Variants in PHACTR3 observed in about 807,000 individuals in gnomAD.
The protein encoded by PHACTR3 is protein phosphatase 1, regulatory subunit 123.
A neutral mutation model predicts 66.8 loss-of-function variants in PHACTR3; 16 were observed. The ratio of observed to expected loss-of-function variants is 0.24; its 90% confidence interval spans 0.16 to 0.36. The LOEUF (loss-of-function observed/expected upper bound fraction) is 0.36. PHACTR3 is among the 10% of genes least tolerant of loss of function. The pLI is 1.00. For missense variants in PHACTR3, 647 were observed against 719.9 expected (o/e 0.90, Z 1.16); for synonymous variants, 323 against 292.1 (o/e 1.11, Z -1.08).
At chr20:59,784,308 G>T (rs576823720) in intron 7 of PHACTR3, among the ~76,000 whole-genome samples, 2 of 138,112 alleles carry the variant, frequency 1.4e-5, no homozygotes, top group African/African-American at 6.7e-5. Flanking sequence ...ATATGTGTGT[G>T]TGTGGATGTA....
chr20:59,785,054 A>T (rs1390024278), intron 7 of PHACTR3, among the ~76,000 whole-genome samples: 1 of 152,142 alleles, frequency 6.6e-6, no homozygotes, highest in Admixed American at 6.5e-5. Flanking sequence ...GGGAGGGGCC[A>T]TGAGGAGGCT....
At position 59,805,922 on chromosome 20, in the gene PHACTR3, T is replaced by C. The variant is rs528502153; in HGVS notation, c.1175-119T>C. 1.6e-4 allele frequency: 172 copies of C among 1,096,422 alleles called. 1 individual carries two copies. In the East Asian group the frequency reaches 3.6e-3, roughly 23 times the overall value. The allele number at this position is 1,096,422 out of a possible 1,614,324, so 67.9% of individuals were successfully genotyped here. Reference sequence around the variant, plus strand: ...TGTGTCCTCTCAGTTCTAGCCACCATCACCCTGGTCTGGAGTCCTTCCTCT... The same window carrying C: ...TGTGTCCTCTCAGTTCTAGCCACCACCACCCTGGTCTGGAGTCCTTCCTCT... On this transcript the variant is annotated intron_variant, in intron 7 of 12. Transcript: ENST00000371015.
chr20:59,709,236 A>T (rs2037826309), intron 1 of PHACTR3, among the ~76,000 whole-genome samples: 1 of 152,216 alleles, frequency 6.6e-6, no homozygotes, highest in Admixed American at 6.5e-5. Flanking sequence ...AAACACACCT[A>T]CAGTTTTTCT....
At chr20:59,633,395 ACAG>A (rs1292669528) in intron 1 of PHACTR3, among the ~76,000 whole-genome samples, 1 of 152,150 alleles carries the variant, frequency 6.6e-6, no homozygotes, top group African/African-American at 2.4e-5. Flanking sequence ...GCAAACTAAC[ACAG>A]GAACAGAAAA....
At chr20:59,841,760 T>G (rs1160664537) in intron 11 of PHACTR3, among the ~76,000 whole-genome samples, 3 of 152,126 alleles carry the variant, frequency 2.0e-5, no homozygotes, top group Non-Finnish European at 4.4e-5. Flanking sequence ...TAGAGACATT[T>G]TTGATTGTCA....
chr20:59,602,384 T>C (rs1352816116), upstream of PHACTR3, among the ~76,000 whole-genome samples: 1 of 149,536 alleles, frequency 6.7e-6, no homozygotes, highest in Admixed American at 6.7e-5. Flanking sequence ...TGCACTATGA[T>C]TGCCCCCGTG....
chr20:59,599,437 G>A (rs557004909), intron 1 of PHACTR3, among the ~76,000 whole-genome samples: 17 of 152,218 alleles, frequency 1.1e-4, no homozygotes, highest in Middle Eastern at 3.4e-3. Flanking sequence ...TGAGCTAACC[G>A]TCTAAGTGCC....
At chr20:59,752,275 G>A (rs546301967) in intron 3 of PHACTR3, among the ~76,000 whole-genome samples, 5 of 152,328 alleles carry the variant, frequency 3.3e-5, no homozygotes, top group Admixed American at 2.6e-4. Flanking sequence ...GTGTGCCTGC[G>A]TGTGCATCTG....
chr20:59,655,544 CTTCT>C (rs1184040586), intron 1 of PHACTR3, among the ~76,000 whole-genome samples: 2 of 151,944 alleles, frequency 1.3e-5, no homozygotes, highest in African/African-American at 2.4e-5. Flanking sequence ...TTCTCTCTCT[CTTCT>C]TTATCAGTCT....
chr20:59,696,070 T>A (rs1325854391), intron 1 of PHACTR3, among the ~76,000 whole-genome samples: 1 of 152,218 alleles, frequency 6.6e-6, no homozygotes, highest in Non-Finnish European at 1.5e-5. Flanking sequence ...AATGAGTTAA[T>A]ATCCTTAGCC....
chr20:59,612,585 T>C (rs538846406), intron 1 of PHACTR3, among the ~76,000 whole-genome samples: 12 of 152,122 alleles, frequency 7.9e-5, no homozygotes, highest in East Asian at 1.9e-4. Context: ...GGGGATTCAC[T>C]ATGCTGACCA....
At chr20:59,733,386 C>G (rs2038837570) in intron 1 of PHACTR3, among the ~76,000 whole-genome samples, 1 of 152,152 alleles carries the variant, frequency 6.6e-6, no homozygotes, top group African/African-American at 2.4e-5. Flanking sequence ...CTGAAAATGC[C>G]CAGCACTTTT....
rs138605863 is a variant in PHACTR3 at position 59,640,841 on chromosome 20, G to C, written c.118+35709G>C. On this transcript the variant is annotated intron_variant, in intron 1 of 12. Coordinates refer to ENST00000371015, the MANE Select transcript of PHACTR3 (RefSeq NM_080672.5). ...TTATCATTGCAAAAGAATCTTAAAT[G>C]TGTCTTTGAAAAGCAAGCATTTGGC... Among the ~76,000 whole-genome samples the C allele has an allele frequency of 3.3e-5, 5 of 152,300 alleles. No individual in the cohort carries two copies. The East Asian group carries it at 7.7e-4, about 24-fold the overall frequency.
intron 1 of PHACTR3, among the ~76,000 whole-genome samples, chr20:59,580,339 C>A (rs2032822777): frequency 6.6e-6 from 1 of 152,114 alleles, no homozygotes. Context: ...CCTTTTGGAA[C>A]CAGGAGGATC....
At chr20:59,669,664 C>G (rs1345303985) in intron 1 of PHACTR3, among the ~76,000 whole-genome samples, 1 of 152,198 alleles carries the variant, frequency 6.6e-6, no homozygotes, top group Non-Finnish European at 1.5e-5. Context: ...CACCTGTAAC[C>G]CGCTTTCTGT....
Position 59,814,528 on chromosome 20 carries a change from C to T in PHACTR3, c.1328+8334C>T, listed in dbSNP as rs564709043. On this transcript the variant is annotated intron_variant, in intron 8 of 12. Transcript: ENST00000371015. ...TGCCCAAGGAGCACAGGGACTGGAACGGGAGACTGCCCGGTCCATGCTGGA... is the reference window on the plus strand; with the variant it reads ...TGCCCAAGGAGCACAGGGACTGGAATGGGAGACTGCCCGGTCCATGCTGGA... Among the ~76,000 whole-genome samples, 15 of 152,256 alleles carry T rather than the reference C, an allele frequency of 9.9e-5. No individual in the cohort carries two copies. In the Middle Eastern group the frequency reaches 0.01, roughly 104 times the overall value.
rs978663294 is a variant in PHACTR3 at position 59,830,666 on chromosome 20, A to G, written c.1329-5839A>G. 3.3e-5 allele frequency among the ~76,000 whole-genome samples: 5 copies of G among 152,170 alleles called. No homozygotes were observed. Among genetic ancestry groups the G allele is most frequent in the Admixed American group, 1.3e-4 (2 of 15,268 alleles). On this transcript the variant is annotated intron_variant, in intron 8 of 12. Coordinates refer to ENST00000371015, the MANE Select transcript of PHACTR3 (RefSeq NM_080672.5). This position sits in a 1 kb window ranked among gnomAD's most constrained non-coding sequence, Gnocchi z 5.8. The stretch of plus-strand genomic sequence containing the variant: ...ACGCCAGGTGAATAATATCAGTGCT[A>G]TAGTAGTAATGATGCCACCTATTTG...
intron 5 of PHACTR3, among the ~76,000 whole-genome samples, chr20:59,769,448 C>T (rs866955934): frequency 3.3e-5 from 5 of 152,180 alleles, no homozygotes; most frequent in Non-Finnish European, 7.3e-5. Context: ...AAGAATTTTC[C>T]GGGGGAGAGG....
chr20:59,584,300 G>C (rs1362651900), intron 1 of PHACTR3, among the ~76,000 whole-genome samples: 2 of 151,736 alleles, frequency 1.3e-5, no homozygotes, highest in South Asian at 4.2e-4. Flanking sequence ...GTACGTGCCT[G>C]TGTGTGACTG....
Sources: allele counts gnomAD v4.1 joint callset (sites outside exome capture counted in the v4.1 genomes callset), GRCh38; gene constraint gnomAD v4.1.1; non-coding constraint Gnocchi (gnomAD v3.1); transcripts MANE v1.5; gene names NCBI Gene and HGNC (gene_info 2026-07-23, HGNC 2026-07-21).